The following RBM4B variants were observed in gnomAD, a reference collection of about 807,000 sequenced individuals.
RBM4B encodes the protein RNA-binding protein 4B.
RBM4B carries 13 observed loss-of-function variants against 28.5 expected under a neutral mutation model. That is an observed-to-expected ratio of 0.46 (90% confidence interval 0.30 to 0.72). The LOEUF is 0.72. Ranked by LOEUF, RBM4B falls within the 30% of genes least tolerant of loss-of-function variation. The pLI, the probability that RBM4B is intolerant of heterozygous loss-of-function variation, is 0.09. For missense variants in RBM4B, 387 were observed against 477.6 expected (o/e 0.81, Z 1.77); for synonymous variants, 167 against 179.1 (o/e 0.93, Z 0.54).
intron 1 of RBM4B, 166 bp downstream of exon 1, chr11:66,677,598 C>G (rs1419516077): frequency 1.3e-5 from 2 of 156,152 alleles, no homozygotes; most frequent in Non-Finnish European, 2.8e-5. Flanking sequence ...TCGACCCGAC[C>G]CCTGCCCCGC....
chr11:66,673,422 A>AT (rs1477214406), intron 2 of RBM4B, among the ~76,000 whole-genome samples: 3 of 152,192 alleles, frequency 2.0e-5, no homozygotes, highest in African/African-American at 7.2e-5. Flanking sequence ...CCATTAACAT[A>AT]TAGAAATAAA....
rs369450559 is a variant in RBM4B at position 66,669,245 on chromosome 11, G to A, written c.459C>T (p.Ala153=). 3 of 1,614,122 alleles carry A rather than the reference G, an allele frequency of 1.9e-6. No individual in the cohort carries two copies. Among genetic ancestry groups the A allele is most frequent in the African/African-American group, 2.7e-5 (2 of 75,026 alleles). Reference sequence around the variant, plus strand: ...AGCCACTCTGGTCTCCCATACCAGGGGCAGTCCGAAGCCGGCTTGTGGACA... The same window carrying A: ...AGCCACTCTGGTCTCCCATACCAGGAGCAGTCCGAAGCCGGCTTGTGGACA... ...VQLSTSRLRT[A]PGMGDQSGCY... The change falls in exon 3 of 4, where the codon GCC becomes GCT. Residue 153 remains alanine (A), a synonymous_variant. Transcript: ENST00000310046.
intron 3 of RBM4B, chr11:66,665,945 A>T: frequency 6.5e-7 from 1 of 1,534,258 alleles, no homozygotes; most frequent in Admixed American, 2.0e-5. Context: ...TTTGGAGTCC[A>T]GGAAAAGCAG....
rs542158081 is a variant in RBM4B at position 66,677,841 on chromosome 11, C to G, written c.-90G>C. 6.5e-6 allele frequency: 1 copy of G among 152,708 alleles called. No homozygotes were observed. Among genetic ancestry groups the G allele is most frequent in the East Asian group, 1.9e-4 (1 of 5,198 alleles). The allele number at this position is 152,708 out of a possible 1,614,324, so 9.5% of individuals were successfully genotyped here. A position where few individuals can be genotyped will look rare whatever the true frequency, so the allele number is the denominator to read the frequency against. On this transcript the variant is annotated 5_prime_UTR_variant, in exon 1 of 4. Transcript: ENST00000310046. ...ATGGCGACGGCCGCTCGAGCCTGGA[C>G]GCGACCGGGCCCTTTCTCGCGCGCC...
rs1187653464 is a variant in RBM4B, at chr11:66,665,279, C to G, written c.*309G>C. ...GTAGGCAGGGAGAAGGATTCAACTC[C>G]TAGGGAAAGCAAGATAAGAGGGGTT... On this transcript the variant is annotated 3_prime_UTR_variant, in exon 4 of 4. Coordinates refer to ENST00000310046, the MANE Select transcript of RBM4B (RefSeq NM_031492.4). 7.3e-6 allele frequency: 3 copies of G among 413,154 alleles called. No individual in the cohort carries two copies. The highest frequency in any genetic ancestry group is 6.2e-5 in the African/African-American group (3 of 48,672). 25.6% of individuals were successfully genotyped at this position (413,154 alleles called of 1,614,324 possible). A position where few individuals can be genotyped will look rare whatever the true frequency, so the allele number is the denominator to read the frequency against.
chr11:66,670,524 T>G (rs192550189), intron 2 of RBM4B, among the ~76,000 whole-genome samples: 1 of 152,216 alleles, frequency 6.6e-6, no homozygotes, highest in East Asian at 1.9e-4. Context: ...GAAAACAATC[T>G]TTGCCCAGGG....
At chr11:66,668,287 T>C (rs538629763) in intron 3 of RBM4B, 15 of 232,866 alleles carry the variant, frequency 6.4e-5, no homozygotes, top group South Asian at 3.9e-4. Context: ...GTAGATGATA[T>C]ACAGAGGGCA....
chr11:66,665,723 T>C, intron 3 of RBM4B, 145 bp from the exon 4 acceptor site: 1 of 1,388,148 alleles, frequency 7.2e-7, no homozygotes. Flanking sequence ...CTAACTCATA[T>C]CCCATGTAAT....
At chr11:66,667,014 CTCAGCT>C (rs546250920) in intron 3 of RBM4B, 1 of 152,102 alleles carries the variant, frequency 6.6e-6, no homozygotes, top group Admixed American at 6.5e-5. Flanking sequence ...ATCCTCCAGC[CTCAGCT>C]TCCTGAATAG....
chr11:66,669,379 A>G (rs1939383381), intron 2 of RBM4B, 88 bp from the exon 3 acceptor site: 4 of 1,265,034 alleles, frequency 3.2e-6, no homozygotes, highest in African/African-American at 1.5e-5. Flanking sequence ...ATTAGTTGTC[A>G]TAAGACACAT....
chr11:66,675,181 C>T (rs1002827750), intron 2 of RBM4B, among the ~76,000 whole-genome samples: 1 of 152,228 alleles, frequency 6.6e-6, no homozygotes, highest in African/African-American at 2.4e-5. Flanking sequence ...AATAGAAACA[C>T]TCATGGTTGC....
In RBM4B at chr11:66,669,081, G is replaced by T; in HGVS notation, c.623C>A (p.Ser208Tyr). The T allele has an allele frequency of 6.2e-7, 1 of 1,614,140 alleles. No individual in the cohort carries two copies. ...TCCATATGCATCGTTGTAATACATGGATTCCCCGTAGCCCATGGTGTAAGG... is the reference window on the plus strand; with the variant it reads ...TCCATATGCATCGTTGTAATACATGTATTCCCCGTAGCCCATGGTGTAAGG... ...RTPYTMGYGE[S>Y]MYYNDAYGAL... Residue 208 changes from serine to tyrosine, a missense_variant, in exon 3 of 4, where the codon TCC (serine) becomes TAC (tyrosine). By Grantham distance (144) the Ser-to-Tyr change is moderately radical. Transcript: ENST00000310046.
chr11:66,672,740 G>A (rs1291208874), intron 2 of RBM4B, among the ~76,000 whole-genome samples: 8 of 152,002 alleles, frequency 5.3e-5, no homozygotes, highest in Middle Eastern at 3.2e-3. Context: ...CAGGTGATCC[G>A]CCTGTCTCGG....
intron 3 of RBM4B, chr11:66,667,999 CTGCCTT>C (rs1939309971): frequency 6.6e-6 from 1 of 152,654 alleles, no homozygotes; most frequent in Admixed American, 6.5e-5. Context: ...GCCACTGCCT[CTGCCTT>C]CAGGTAGCAA....
Position 66,665,590 on chromosome 11 carries a change from C to T in RBM4B, c.*10-12G>A. 1 of 1,535,960 alleles carries T rather than the reference C, an allele frequency of 6.5e-7. No individual in the cohort carries two copies. Among genetic ancestry groups the T allele is most frequent in the African/African-American group, 1.4e-5 (1 of 73,176 alleles). ...CGCAATTATCCTACCTGAAAGAGAGCACAACACAAGAGGCTTACACAATGC... is the reference window on the plus strand; with the variant it reads ...CGCAATTATCCTACCTGAAAGAGAGTACAACACAAGAGGCTTACACAATGC... On this transcript the variant is annotated splice_polypyrimidine_tract_variant and intron_variant, in intron 3 of 3. Transcript: ENST00000310046.
chr11:66,677,098 G>C lies in RBM4B; in HGVS notation c.-12-7C>G. ...TCACCATCCTGACAAGAGCCTGGGA[G>C]AGAAACACAAGACTTCAAAAGTCAG... On this transcript the variant is annotated splice_polypyrimidine_tract_variant and splice_region_variant and intron_variant, in intron 1 of 3. Transcript: ENST00000310046. 6.2e-7 allele frequency: 1 copy of C among 1,609,184 alleles called. No homozygotes were observed. The highest frequency in any genetic ancestry group is 8.5e-7 in the Non-Finnish European group (1 of 1,176,188).
rs200574397 is a variant in RBM4B, at chr11:66,668,781, C to T, written c.923G>A (p.Arg308His). 8.1e-6 allele frequency: 13 copies of T among 1,614,192 alleles called. No homozygotes were observed. Among genetic ancestry groups the T allele is most frequent in the African/African-American group, 1.3e-5 (1 of 75,052 alleles). ...YYGRDRSPLR[R>H]AAAMLPTVGE... ...AACTGTGGGGAGCATGGCTGCAGCACGACGCAGTGGGCTCCTGTCCCTTCC... is the reference window on the plus strand; with the variant it reads ...AACTGTGGGGAGCATGGCTGCAGCATGACGCAGTGGGCTCCTGTCCCTTCC... Residue 308 changes from arginine to histidine, a missense_variant, in exon 3 of 4, where the codon CGT becomes CAT. Physicochemically the swap from Arg to His is conservative, Grantham distance 29 (BLOSUM62 0). Around this residue, in one of 2 missense-constraint regions of RBM4B, gnomAD observed 226 missense variants for 220.6 expected, o/e 1.02. Coordinates refer to ENST00000310046, the MANE Select transcript of RBM4B (RefSeq NM_031492.4).
Position 66,668,728 on chromosome 11 carries a change from T to A in RBM4B, c.976A>T (p.Ser326Cys), listed in dbSNP as rs1180024337. 2.5e-6 allele frequency: 4 copies of A among 1,614,062 alleles called. No homozygotes were observed. The highest frequency in any genetic ancestry group is 1.6e-4 in the Middle Eastern group (1 of 6,084). Residue 326 changes from serine (S) to cysteine (C), a missense_variant, in exon 3 of 4, where the codon AGT (serine) becomes TGT (cysteine). Coordinates refer to ENST00000310046, the MANE Select transcript of RBM4B (RefSeq NM_031492.4). ...VGEGYGYGPESELSQASAATR... is the reference protein window; with the variant it reads ...VGEGYGYGPECELSQASAATR... ...GCTGCGGAAGCCTGAGATAATTCAC[T>A]CTCTGGCCCATAACCGTAGCCCTCT... is the stretch of plus-strand genomic sequence containing the variant.
At position 66,668,751 on chromosome 11, in the gene RBM4B, T is replaced by C; in HGVS notation, c.953A>G (p.Glu318Gly). The C allele has an allele frequency of 6.2e-7, 1 of 1,614,154 alleles. No homozygotes were observed. Among genetic ancestry groups the C allele is most frequent in the Non-Finnish European group, 8.5e-7 (1 of 1,180,020 alleles). ...RAAAMLPTVG[E>G]GYGYGPESEL... is the part of the protein sequence containing the mutation. ...ACTCTCTGGCCCATAACCGTAGCCC[T>C]CTCCAACTGTGGGGAGCATGGCTGC... The change falls in exon 3 of 4, where the codon GAG becomes GGG. Residue 318 changes from glutamate to glycine, a missense_variant. This residue lies in a region of RBM4B where 226 missense variants were observed against 220.6 expected (regional missense o/e 1.02). Transcript: ENST00000310046.
Sources: gnomAD v4.1 joint callset for allele counts (sites outside exome capture counted in the v4.1 genomes callset) on GRCh38, gnomAD v4.1.1 for gene constraint, gnomAD v4.1.1 regional missense constraint, MANE v1.5 for transcripts, NCBI Gene and HGNC (gene_info 2026-07-23, HGNC 2026-07-21) for gene names.